LRFN2: variants seen among roughly 807,000 people sequenced by gnomAD.
The protein encoded by LRFN2 is leucine rich repeat and fibronectin type III domain containing 2.
A neutral mutation model predicts 37.3 loss-of-function variants in LRFN2; 18 were observed. That is an observed-to-expected ratio of 0.48 (90% CI 0.33 to 0.72). LRFN2 has a LOEUF of 0.72. Among genes scored for constraint, LRFN2 ranks in the 30% least tolerant of loss-of-function variants. The pLI, the probability that LRFN2 is intolerant of heterozygous loss-of-function variation, is 0.02. For missense variants in LRFN2, 1,006 were observed against 1,060.7 expected (o/e 0.95, Z 0.72); for synonymous variants, 556 against 466.6 (o/e 1.19, Z -2.47).
At chr6:40,555,149 C>T (rs1401141468) in intron 1 of LRFN2, among the ~76,000 whole-genome samples, 1 of 152,126 alleles carries the variant, frequency 6.6e-6, no homozygotes, top group East Asian at 1.9e-4. Context: ...CTGCTGGGGG[C>T]CCCTCTCCTG....
At chr6:40,472,664 G>A (rs2113858100) in intron 1 of LRFN2, among the ~76,000 whole-genome samples, 1 of 152,260 alleles carries the variant, frequency 6.6e-6, no homozygotes, top group East Asian at 1.9e-4. Flanking sequence ...TGCATCCTAT[G>A]CTTCCAGGGA....
chr6:40,479,399 G>C (rs1041210941), intron 1 of LRFN2, among the ~76,000 whole-genome samples: 1 of 152,172 alleles, frequency 6.6e-6, no homozygotes, highest in Admixed American at 6.5e-5. Context: ...AAGGCACAAG[G>C]GTTTTAGTGC....
intron 1 of LRFN2, among the ~76,000 whole-genome samples, chr6:40,481,439 C>CAAA (rs11384253): frequency 9.2e-5 from 11 of 119,278 alleles, no homozygotes; most frequent in Admixed American, 1.8e-4. Flanking sequence ...AAGATTGTCT[C>CAAA]AAAAAAAAAA....
At chr6:40,538,819 C>T (rs77199204) in intron 1 of LRFN2, among the ~76,000 whole-genome samples, 4,025 of 152,336 alleles carry the variant, frequency 0.026, 159 homozygotes, top group African/African-American at 0.085. Flanking sequence ...GTGAGTCCTG[C>T]GAGCACAGTG....
chr6:40,582,186 G>A (rs1767416906), intron 1 of LRFN2, among the ~76,000 whole-genome samples: 1 of 152,138 alleles, frequency 6.6e-6, no homozygotes, highest in African/African-American at 2.4e-5. Context: ...GTTGAGGGGA[G>A]AGGACCCAGG....
chr6:40,536,685 C>A (rs1766454933), intron 1 of LRFN2, among the ~76,000 whole-genome samples: 1 of 152,100 alleles, frequency 6.6e-6, no homozygotes, highest in African/African-American at 2.4e-5. Flanking sequence ...GGACTCCATG[C>A]AGGGTACAGC....
chr6:40,405,718 C>T (rs906727921), intron 2 of LRFN2, among the ~76,000 whole-genome samples: 1 of 152,096 alleles, frequency 6.6e-6, no homozygotes, highest in African/African-American at 2.4e-5. Flanking sequence ...CAGAATGGGT[C>T]CCCCCTCCAA....
intron 1 of LRFN2, among the ~76,000 whole-genome samples, chr6:40,462,960 T>TG (rs1357415748): frequency 1.3e-5 from 2 of 152,222 alleles, no homozygotes; most frequent in Admixed American, 6.5e-5. Flanking sequence ...GGCCAAGTTC[T>TG]GGCCAATGAA....
chr6:40,497,396 C>G (rs924252530), intron 1 of LRFN2, among the ~76,000 whole-genome samples: 3 of 152,132 alleles, frequency 2.0e-5, no homozygotes, highest in African/African-American at 7.2e-5. Context: ...CTGCTCTGCC[C>G]CCCATTCTCT....
intron 1 of LRFN2, among the ~76,000 whole-genome samples, chr6:40,445,060 A>G (rs1763938245): frequency 6.6e-6 from 1 of 152,076 alleles, no homozygotes; most frequent in Admixed American, 6.5e-5. Flanking sequence ...CCATTCAGTT[A>G]GGCTTCTGTC....
intron 1 of LRFN2, among the ~76,000 whole-genome samples, chr6:40,583,662 C>T (rs936675009): frequency 6.6e-6 from 1 of 152,158 alleles, no homozygotes. Context: ...GGGGGATGAC[C>T]ATTAGCATCC....
intron 2 of LRFN2, among the ~76,000 whole-genome samples, chr6:40,429,787 GAATGTTCCAT>G (rs1763436730): frequency 6.6e-6 from 1 of 152,118 alleles, no homozygotes; most frequent in East Asian, 1.9e-4. Flanking sequence ...GAAACCACCT[GAATGTTCCAT>G]AATAGGAGAT....
intron 1 of LRFN2, among the ~76,000 whole-genome samples, chr6:40,452,498 C>A (rs1419500407): frequency 6.6e-6 from 1 of 152,232 alleles, no homozygotes; most frequent in Non-Finnish European, 1.5e-5. Context: ...TGGATTATTA[C>A]TTCAGAGCAT....
intron 2 of LRFN2, among the ~76,000 whole-genome samples, chr6:40,418,315 C>A (rs1216157008): frequency 6.6e-6 from 1 of 152,184 alleles, no homozygotes; most frequent in African/African-American, 2.4e-5. Flanking sequence ...AAAACTGTAG[C>A]CCTCTGGTCT....
At chr6:40,471,193 A>T (rs1581731252) in intron 1 of LRFN2, among the ~76,000 whole-genome samples, 1 of 152,064 alleles carries the variant, frequency 6.6e-6, no homozygotes, top group African/African-American at 2.4e-5. Flanking sequence ...GGGAAAGGGG[A>T]TGGGGCTCTT....
intron 1 of LRFN2, among the ~76,000 whole-genome samples, chr6:40,517,915 G>T (rs926244218): frequency 4.6e-5 from 7 of 152,142 alleles, no homozygotes; most frequent in Non-Finnish European, 1.0e-4. Context: ...CTAAGAGGGG[G>T]TCCAAGGGCA....
chr6:40,481,566 G>C, intron 1 of LRFN2, among the ~76,000 whole-genome samples: 1 of 152,040 alleles, frequency 6.6e-6, no homozygotes. Flanking sequence ...AGTTTGCTTT[G>C]AATTTGCTTA....
intron 1 of LRFN2, among the ~76,000 whole-genome samples, chr6:40,490,073 G>C (rs957241210): frequency 6.6e-6 from 1 of 152,116 alleles, no homozygotes; most frequent in Non-Finnish European, 1.5e-5. Flanking sequence ...CAGCTCCAGG[G>C]GGAAGAAGGG....
intron 2 of LRFN2, among the ~76,000 whole-genome samples, chr6:40,413,672 C>T (rs1763023928): frequency 6.6e-6 from 1 of 152,196 alleles, no homozygotes; most frequent in African/African-American, 2.4e-5. Flanking sequence ...AGCCTGCCTG[C>T]CTCAGATGGA....
Sources: allele counts gnomAD v4.1 joint callset (sites outside exome capture counted in the v4.1 genomes callset), GRCh38; gene constraint gnomAD v4.1.1; transcripts MANE v1.5; gene names NCBI Gene and HGNC (gene_info 2026-07-23, HGNC 2026-07-21).